MOB3B: variants seen among roughly 807,000 people sequenced by gnomAD.
MOB3B encodes the protein MOB kinase activator 3B, also known as MOB kinase activator-like 2B.
MOB3B carries 7 observed loss-of-function variants against 18.7 expected under a neutral mutation model. That is an observed-to-expected ratio of 0.37 (90% CI 0.21 to 0.70). MOB3B has a LOEUF of 0.70. MOB3B is among the 30% of genes least tolerant of loss of function. The pLI, the probability that MOB3B is intolerant of heterozygous loss-of-function variation, is 0.52. For missense variants in MOB3B, 253 were observed against 281.3 expected (o/e 0.90, Z 0.72); for synonymous variants, 111 against 99.9 (o/e 1.11, Z -0.66).
intron 3 of MOB3B, among the ~76,000 whole-genome samples, chr9:27,358,309 T>G (rs1347124892): frequency 6.6e-6 from 1 of 152,208 alleles, no homozygotes; most frequent in Non-Finnish European, 1.5e-5. Flanking sequence ...ATTGAGATGT[T>G]GCATGTTACA....
chr9:27,427,598 T>C (rs1316461210), intron 2 of MOB3B, among the ~76,000 whole-genome samples: 1 of 152,176 alleles, frequency 6.6e-6, no homozygotes, highest in Non-Finnish European at 1.5e-5. Flanking sequence ...ATGGATTTAC[T>C]CCATTGTTTT....
intron 1 of MOB3B, among the ~76,000 whole-genome samples, chr9:27,521,567 C>A (rs113237566): frequency 6.6e-6 from 1 of 152,056 alleles, no homozygotes; most frequent in Non-Finnish European, 1.5e-5. Context: ...GCCAAGGCAT[C>A]GTAAAAGCAA....
At chr9:27,525,067 C>G (rs912326258) in intron 1 of MOB3B, 1 of 962,712 alleles carries the variant, frequency 1.0e-6, no homozygotes, top group Non-Finnish European at 1.5e-6. Context: ...AGCCTGTCCT[C>G]AGTTGGACTG....
intron 1 of MOB3B, among the ~76,000 whole-genome samples, chr9:27,476,713 A>G (rs1179444839): frequency 6.6e-6 from 1 of 152,210 alleles, no homozygotes; most frequent in African/African-American, 2.4e-5. Flanking sequence ...TGTGGCTGCC[A>G]TGAGACTATG....
chr9:27,330,729 C>T lies in MOB3B; in HGVS notation c.622-113G>A. ...TCGAGAGCCTGTAAATGAAAGCTTG[C>T]AAGCATGGTCCATGAATAAGGCTTA... On this transcript the variant is annotated intron_variant, in intron 3 of 3. Transcript: ENST00000262244. 6 of 1,457,162 alleles carry T rather than the reference C, an allele frequency of 4.1e-6. 1 individual carries two copies. The highest frequency in any genetic ancestry group is 3.5e-4 in the Middle Eastern group (2 of 5,756). 90.3% of individuals were successfully genotyped at this position (1,457,162 alleles called of 1,614,324 possible).
At chr9:27,372,437 G>T (rs2131368142) in intron 2 of MOB3B, among the ~76,000 whole-genome samples, 1 of 152,324 alleles carries the variant, frequency 6.6e-6, no homozygotes, top group East Asian at 1.9e-4. Context: ...TCAAGGAGAT[G>T]AATGAAGCTC....
intron 1 of MOB3B, among the ~76,000 whole-genome samples, chr9:27,490,158 C>A (rs923107739): frequency 2.0e-5 from 3 of 152,158 alleles, no homozygotes; most frequent in Admixed American, 2.0e-4. Flanking sequence ...ATTACTTTAA[C>A]AGCATATGGT....
intron 2 of MOB3B, among the ~76,000 whole-genome samples, chr9:27,426,074 T>C (rs1478966042): frequency 6.6e-6 from 1 of 152,180 alleles, no homozygotes; most frequent in African/African-American, 2.4e-5. Flanking sequence ...TTTAAATATA[T>C]GGTTTCATTT....
At chr9:27,456,806 A>C (rs986501694) in intron 1 of MOB3B, among the ~76,000 whole-genome samples, 7 of 152,202 alleles carry the variant, frequency 4.6e-5, no homozygotes, top group Non-Finnish European at 1.0e-4. Context: ...GTGGCTATTG[A>C]GCATTTGAAA....
intron 1 of MOB3B, among the ~76,000 whole-genome samples, chr9:27,521,331 T>C (rs1820321633): frequency 6.6e-6 from 1 of 152,160 alleles, no homozygotes; most frequent in Non-Finnish European, 1.5e-5. Context: ...TGGCTGAAAA[T>C]ACAGGCAACT....
At chr9:27,472,500 A>G (rs535771982) in intron 1 of MOB3B, among the ~76,000 whole-genome samples, 6 of 152,164 alleles carry the variant, frequency 3.9e-5, no homozygotes, top group East Asian at 1.9e-4. Context: ...ACATTCATCA[A>G]TACGTCTTGT....
intron 2 of MOB3B, among the ~76,000 whole-genome samples, chr9:27,404,297 T>C (rs544957587): frequency 2.0e-5 from 3 of 152,032 alleles, no homozygotes; most frequent in Non-Finnish European, 2.9e-5. Context: ...TAATATTCCA[T>C]TGTGCATATA....
At chr9:27,404,343 C>CT (rs1821934106) in intron 2 of MOB3B, among the ~76,000 whole-genome samples, 3 of 100,670 alleles carry the variant, frequency 3.0e-5, no homozygotes, top group East Asian at 3.0e-4. Flanking sequence ...TTCCTTCTTT[C>CT]TTTCTTTTTT....
chr9:27,422,301 A>G (rs1822267377), intron 2 of MOB3B, among the ~76,000 whole-genome samples: 2 of 152,218 alleles, frequency 1.3e-5, no homozygotes, highest in Non-Finnish European at 2.9e-5. Context: ...CTTCCCTGCA[A>G]TAAAATAAAT....
At chr9:27,358,740 A>G (rs1265457573) in intron 3 of MOB3B, 1 of 578,196 alleles carries the variant, frequency 1.7e-6, no homozygotes, top group African/African-American at 1.8e-5. Flanking sequence ...GAATTCAATA[A>G]GTGGAAGAAT....
intron 2 of MOB3B, among the ~76,000 whole-genome samples, chr9:27,409,551 T>A (rs1822033885): frequency 6.6e-6 from 1 of 152,072 alleles, no homozygotes; most frequent in Non-Finnish European, 1.5e-5. Context: ...AACATAGAAT[T>A]ATCATATGCT....
intron 1 of MOB3B, among the ~76,000 whole-genome samples, chr9:27,472,879 G>C (rs1819494686): frequency 6.6e-6 from 1 of 152,134 alleles, no homozygotes; most frequent in South Asian, 2.1e-4. Context: ...GAAAAATACA[G>C]AGTTCCGCAA....
intron 2 of MOB3B, among the ~76,000 whole-genome samples, chr9:27,401,666 A>G (rs1292973718): frequency 6.6e-6 from 1 of 152,226 alleles, no homozygotes; most frequent in Non-Finnish European, 1.5e-5. Flanking sequence ...AAGGTACCTA[A>G]TGGAGCACAT....
intron 2 of MOB3B, among the ~76,000 whole-genome samples, chr9:27,417,154 G>T (rs961961173): frequency 3.9e-4 from 59 of 152,256 alleles, no homozygotes; most frequent in African/African-American, 1.4e-3. Context: ...ACGAGGTGAG[G>T]AGATCGAGAC....
Sources: allele counts gnomAD v4.1 joint callset (sites outside exome capture counted in the v4.1 genomes callset), GRCh38; gene constraint gnomAD v4.1.1; transcripts MANE v1.5; gene names NCBI Gene and HGNC (gene_info 2026-07-23, HGNC 2026-07-21).